The following PFKFB4 variants were observed in gnomAD, a reference collection of about 807,000 sequenced individuals.
PFKFB4 encodes the protein 6-phosphofructo-2-kinase/fructose-2,6-biphosphatase 4, also known as 6-phosphofructo-2-kinase/fructose-2,6-bisphosphatase 4.
A neutral mutation model predicts 62.8 loss-of-function variants in PFKFB4; 42 were observed. The observed-to-expected ratio is 0.67, with a 90% confidence interval of 0.52 to 0.86. PFKFB4 has a LOEUF of 0.86. Ranked by LOEUF, PFKFB4 falls within the 40% of genes least tolerant of loss-of-function variation. PFKFB4 has a pLI of 0.00. For synonymous variants in PFKFB4, 204 were observed against 240.7 expected (o/e 0.85, Z 1.41); for missense variants, 475 against 627.2 (o/e 0.76, Z 2.59).
intron 11 of PFKFB4, 21 bp downstream of exon 11, chr3:48,523,679 TC>T: frequency 6.2e-6 from 10 of 1,613,722 alleles, no homozygotes; most frequent in East Asian, 2.2e-5. Flanking sequence ...CCTTCCCACC[TC>T]CCCCGGGGCA....
intron 9 of PFKFB4, among the ~76,000 whole-genome samples, chr3:48,527,443 A>T (rs2042298795): frequency 6.6e-6 from 1 of 151,760 alleles, no homozygotes; most frequent in Admixed American, 6.6e-5. Context: ...ACCACACTTG[A>T]ATACTAACAC....
chr3:48,559,386 A>G, upstream of PFKFB4: 1 of 387,406 alleles, frequency 2.6e-6, no homozygotes, highest in East Asian at 7.5e-5. Context: ...AGGGTCAGGA[A>G]GAGGGAGAAG....
At position 48,527,052 on chromosome 3, in the gene PFKFB4, C is replaced by T. The variant is rs116794945; in HGVS notation, c.988-1383G>A. Among the ~76,000 whole-genome samples, 1,172 of 151,822 alleles carry T rather than the reference C, an allele frequency of 7.7e-3. 7 individuals are homozygous for T. The highest frequency in any genetic ancestry group is 0.026 in the African/African-American group (1,093 of 41,408). On this transcript the variant is annotated intron_variant, in intron 9 of 13. Coordinates refer to ENST00000232375, the MANE Select transcript of PFKFB4 (RefSeq NM_004567.4). The stretch of plus-strand genomic sequence containing the variant: ...GGGATTGGAGTGATGAGGCTATGAG[C>T]CAAGAAATACCAAGGATTACCAGCA...
chr3:48,536,689 C>T (rs1006730512), intron 7 of PFKFB4: 2 of 541,686 alleles, frequency 3.7e-6, no homozygotes, highest in Non-Finnish European at 6.6e-6. Context: ...ATGGGAGGTG[C>T]TCGTCACTCA....
intron 9 of PFKFB4, 24 bp downstream of exon 9, chr3:48,535,488 C>G (rs1313369126): frequency 8.1e-6 from 13 of 1,600,496 alleles, no homozygotes; most frequent in Non-Finnish European, 1.1e-5. Context: ...GGGAGGTAGA[C>G]AGGGAGGGAG....
Position 48,521,907 on chromosome 3 carries a change from C to T in PFKFB4, c.1350+79G>A, listed in dbSNP as rs2042105498. The T allele has an allele frequency of 6.6e-6, 8 of 1,205,898 alleles. No individual in the cohort carries two copies. Among genetic ancestry groups the T allele is most frequent in the Non-Finnish European group, 7.4e-6 (6 of 807,732 alleles). 74.7% of individuals were successfully genotyped at this position (1,205,898 alleles called of 1,614,324 possible). ...CCCTCTGGCAGGTGCCGCAGCTGGG[C>T]CTGGCCCTGGAGGATGTGCAGTCTG... On this transcript the variant is annotated intron_variant, in intron 13 of 13. Transcript: ENST00000232375. This position sits in a 1 kb window ranked among gnomAD's most constrained non-coding sequence, Gnocchi z 5.3.
intron 9 of PFKFB4, among the ~76,000 whole-genome samples, chr3:48,529,697 T>C (rs909784745): frequency 2.0e-5 from 3 of 152,226 alleles, no homozygotes; most frequent in African/African-American, 7.2e-5. Context: ...AGATTATCAA[T>C]TCTGAAGAGA....
chr3:48,562,900 C>T (rs147683560), upstream of PFKFB4: 82 of 1,604,484 alleles, frequency 5.1e-5, no homozygotes, highest in Admixed American at 3.4e-5. The surrounding 1 kb of genome is among the most constrained non-coding windows in gnomAD (Gnocchi z 4.3). Flanking sequence ...GGACATCCAG[C>T]GATAGGACAA....
Position 48,556,039 on chromosome 3 carries a change from CA to C in PFKFB4, c.97+641del. ...AATTTCAGCATTCTCCTAGCTGTTT[CA>C]CTCTCCAGTTTTACTGTACACCCAT... On this transcript the variant is annotated intron_variant, in intron 1 of 13. Coordinates refer to ENST00000232375, the MANE Select transcript of PFKFB4 (RefSeq NM_004567.4). This position sits in a 1 kb window ranked among gnomAD's most constrained non-coding sequence, Gnocchi z 5.7. The C allele has an allele frequency of 2.2e-6, 1 of 450,312 alleles. No individual in the cohort carries two copies. The highest frequency in any genetic ancestry group is 1.6e-5 in the South Asian group (1 of 64,352). The allele number at this position is 450,312 out of a possible 1,614,324, so 27.9% of individuals were successfully genotyped here.
rs1192127016 is a variant in PFKFB4, at chr3:48,518,816, C to T, written c.*931G>A. On this transcript the variant is annotated 3_prime_UTR_variant, in exon 14 of 14. Coordinates refer to ENST00000232375, the MANE Select transcript of PFKFB4 (RefSeq NM_004567.4). ...CCACCAGTGTACATTCCTGTGTGGA[C>T]ACGGGCAGCAACAGGGGAGAGGCCG... 6.6e-6 allele frequency: 1 copy of T among 152,234 alleles called. No homozygotes were observed. Among genetic ancestry groups the T allele is most frequent in the Non-Finnish European group, 1.5e-5 (1 of 68,036 alleles). The allele number at this position is 152,234 out of a possible 1,614,324, so 9.4% of individuals were successfully genotyped here.
At chr3:48,528,592 G>A (rs2042336395) in intron 9 of PFKFB4, among the ~76,000 whole-genome samples, 1 of 152,190 alleles carries the variant, frequency 6.6e-6, no homozygotes, top group African/African-American at 2.4e-5. Flanking sequence ...GAGCCCAGGA[G>A]ATGGAGGCTG....
chr3:48,520,790 C>T (rs1381579595), intron 13 of PFKFB4, among the ~76,000 whole-genome samples: 1 of 152,206 alleles, frequency 6.6e-6, no homozygotes, highest in Admixed American at 6.5e-5. Context: ...CCGCCAGCCA[C>T]ACTATGGTGA....
At chr3:48,530,908 T>C (rs969199156) in intron 9 of PFKFB4, among the ~76,000 whole-genome samples, 4 of 152,266 alleles carry the variant, frequency 2.6e-5, no homozygotes, top group Admixed American at 1.3e-4. Flanking sequence ...GGTTTCACCA[T>C]CTTGGACAGG....
At chr3:48,536,599 G>T in intron 7 of PFKFB4, 136 bp from the exon 8 acceptor site, 1 of 667,146 alleles carries the variant, frequency 1.5e-6, no homozygotes, top group Non-Finnish European at 2.6e-6. Context: ...AGGACCGTCA[G>T]CTGGTGTGCG....
At chr3:48,550,326 T>C in intron 1 of PFKFB4, 92 bp from the exon 2 acceptor site, 1 of 816,354 alleles carries the variant, frequency 1.2e-6, no homozygotes, top group Non-Finnish European at 2.1e-6. Flanking sequence ...CCTCAGGGCA[T>C]GGGACTGGCA....
chr3:48,523,512 G>A (rs1452933325), intron 12 of PFKFB4, 25 bp downstream of exon 12: 1 of 1,607,612 alleles, frequency 6.2e-7, no homozygotes, highest in East Asian at 2.2e-5. Flanking sequence ...GCTACCCATG[G>A]TCAATGTGCA....
At chr3:48,527,849 G>A (rs920817992) in intron 9 of PFKFB4, among the ~76,000 whole-genome samples, 1 of 151,914 alleles carries the variant, frequency 6.6e-6, no homozygotes, top group East Asian at 1.9e-4. Flanking sequence ...CACCATGGCT[G>A]GCTAATTTTT....
chr3:48,526,353 ACC>A (rs1327425401), intron 9 of PFKFB4, among the ~76,000 whole-genome samples: 2 of 151,288 alleles, frequency 1.3e-5, no homozygotes, highest in African/African-American at 2.4e-5. Context: ...CAGGTGGATC[ACC>A]TGAGATCAGG....
intron 9 of PFKFB4, among the ~76,000 whole-genome samples, 176 bp downstream of exon 9, chr3:48,535,336 C>T (rs1164950735): frequency 6.6e-6 from 1 of 152,120 alleles, no homozygotes; most frequent in African/African-American, 2.4e-5. Flanking sequence ...TAGGGCTCAC[C>T]CAAGGTCCCA....
Sources: gnomAD v4.1 joint callset for allele counts (sites outside exome capture counted in the v4.1 genomes callset) on GRCh38, gnomAD v4.1.1 for gene constraint, Gnocchi (gnomAD v3.1) non-coding constraint, MANE v1.5 for transcripts, NCBI Gene and HGNC (gene_info 2026-07-23, HGNC 2026-07-21) for gene names.